LRP11: variants seen among roughly 807,000 people sequenced by gnomAD.
LRP11 encodes LDL receptor related protein 11, also known as low-density lipoprotein receptor-related protein 11.
In LRP11, 25 loss-of-function variants were observed where a neutral mutation model predicts 43.1. The ratio of observed to expected loss-of-function variants is 0.58; its 90% CI spans 0.42 to 0.81. LRP11 has a LOEUF of 0.81. Ranked by LOEUF, LRP11 falls within the 30% of genes least tolerant of loss-of-function variation. The pLI, the probability that LRP11 is intolerant of heterozygous loss-of-function variation, is 0.00. For missense variants in LRP11, 623 were observed against 665.1 expected, an observed-to-expected ratio of 0.94 and a Z score of 0.70; for synonymous variants, 316 against 299.4, an observed-to-expected ratio of 1.06 and a Z score of -0.57.
In LRP11 at chr6:149,820,626, C is replaced by G. The variant is rs1383738588; in HGVS notation, c.1426G>C (p.Val476Leu). Reference sequence around the variant, plus strand: ...CGAGCTTTTTTCAGTTTCTGTTTCACCAGTCGTAGTCGGCATGCAACCATG... The same window carrying G: ...CGAGCTTTTTTCAGTTTCTGTTTCAGCAGTCGTAGTCGGCATGCAACCATG... The part of the protein sequence containing the change: ...LLMVACRLRL[V>L]KQKLKKARPI... Residue 476 changes from valine to leucine, a missense_variant, in exon 7 of 7, where the codon GTG (valine) becomes CTG (leucine). Physicochemically the swap from Val to Leu is conservative, Grantham distance 32. Transcript: ENST00000239367. 1 of 780,916 alleles carries G rather than the reference C, an allele frequency of 1.3e-6. No homozygotes were observed. The highest frequency in any genetic ancestry group is 2.4e-5 in the East Asian group (1 of 41,266). The allele number at this position is 780,916 out of a possible 1,614,324, so 48.4% of individuals were successfully genotyped here. A position where few individuals can be genotyped will look rare whatever the true frequency, so the allele number is the denominator to read the frequency against.
chr6:149,829,812 T>A (rs1410953251), intron 5 of LRP11, among the ~76,000 whole-genome samples: 2 of 151,952 alleles, frequency 1.3e-5, no homozygotes, highest in Non-Finnish European at 2.9e-5. Context: ...TACTGCACTA[T>A]TTCTATTTTT....
At chr6:149,822,956 T>G (rs560349058) in intron 6 of LRP11, among the ~76,000 whole-genome samples, 2 of 151,898 alleles carry the variant, frequency 1.3e-5, no homozygotes, top group East Asian at 1.9e-4. Context: ...AGCATAAAGG[T>G]GGTAGCTGCA....
rs374240327 is a variant in LRP11 at position 149,819,069 on chromosome 6, A to ATCTT, written c.*1476_*1479dup. The ATCTT allele has an allele frequency of 9.4e-4, 144 of 152,482 alleles. 1 individual carries two copies. The highest frequency in any genetic ancestry group is 3.3e-3 in the African/African-American group (138 of 41,586). 9.4% of individuals were successfully genotyped at this position (152,482 alleles called of 1,614,324 possible). A position where few individuals can be genotyped will look rare whatever the true frequency, so the allele number is the denominator to read the frequency against. On this transcript the variant is annotated 3_prime_UTR_variant, in exon 7 of 7. Coordinates refer to ENST00000239367, the MANE Select transcript of LRP11 (RefSeq NM_032832.6). Reference sequence around the variant, plus strand: ...TCTAAACTGCCCTTCAAAAATTTACATCTTTGCTCAATTCTAAACATTCAA... The same window carrying ATCTT: ...TCTAAACTGCCCTTCAAAAATTTACATCTTTCTTTGCTCAATTCTAAACATTCAA...
chr6:149,840,570 T>C (rs1447781581), intron 3 of LRP11, among the ~76,000 whole-genome samples: 1 of 152,206 alleles, frequency 6.6e-6, no homozygotes, highest in African/African-American at 2.4e-5. Flanking sequence ...GTGCTGGCCA[T>C]CTGCTCATAT....
At chr6:149,840,632 C>T (rs1776532519) in intron 3 of LRP11, among the ~76,000 whole-genome samples, 1 of 152,198 alleles carries the variant, frequency 6.6e-6, no homozygotes, top group African/African-American at 2.4e-5. Context: ...AAGAGCAATC[C>T]TTTTCTGATT....
At chr6:149,840,819 C>T (rs1288013045) in intron 3 of LRP11, among the ~76,000 whole-genome samples, 2 of 152,228 alleles carry the variant, frequency 1.3e-5, no homozygotes, top group African/African-American at 4.8e-5. Flanking sequence ...CATGTCTCCA[C>T]TGGTCCTGGT....
chr6:149,820,710 G>C lies in LRP11; in HGVS notation c.1349-7C>G, dbSNP rs1332028581. ...GCCAGGGGTAGCACTGCACCTTTGA[G>C]AAGGTTAGACATGAAGAGGGCAAGC... On this transcript the variant is annotated splice_polypyrimidine_tract_variant and splice_region_variant and intron_variant, in intron 6 of 6. Coordinates refer to ENST00000239367, the MANE Select transcript of LRP11 (RefSeq NM_032832.6). 1 of 780,844 alleles carries C rather than the reference G, an allele frequency of 1.3e-6. No individual in the cohort carries two copies. The highest frequency in any genetic ancestry group is 2.4e-6 in the Non-Finnish European group (1 of 418,036). The allele number at this position is 780,844 out of a possible 1,614,324, so 48.4% of individuals were successfully genotyped here. A position where few individuals can be genotyped will look rare whatever the true frequency, so the allele number is the denominator to read the frequency against.
At chr6:149,862,730 C>A (rs917658469) in intron 1 of LRP11, among the ~76,000 whole-genome samples, 2 of 152,030 alleles carry the variant, frequency 1.3e-5, no homozygotes, top group African/African-American at 4.8e-5. Context: ...CAGGCGCATG[C>A]CACCAGCTCT....
intron 5 of LRP11, among the ~76,000 whole-genome samples, chr6:149,834,121 T>C (rs1179495891): frequency 6.6e-6 from 1 of 152,172 alleles, no homozygotes; most frequent in African/African-American, 2.4e-5. Context: ...CGTGAGGACA[T>C]GCAGTATTTG....
intron 2 of LRP11, among the ~76,000 whole-genome samples, chr6:149,851,012 A>G (rs189769789): frequency 1.3e-5 from 2 of 152,380 alleles, no homozygotes; most frequent in Admixed American, 6.5e-5. Context: ...AAGTCTCAGC[A>G]GGATGAGTGT....
At chr6:149,851,431 A>G (rs1434122198) in intron 2 of LRP11, among the ~76,000 whole-genome samples, 2 of 152,242 alleles carry the variant, frequency 1.3e-5, no homozygotes, top group African/African-American at 4.8e-5. Context: ...AAATCAATTC[A>G]TATGAGGAAC....
chr6:149,822,761 T>C (rs1157652502), intron 6 of LRP11, among the ~76,000 whole-genome samples: 1 of 152,176 alleles, frequency 6.6e-6, no homozygotes, highest in Non-Finnish European at 1.5e-5. Context: ...ATAAAATAGG[T>C]GGTCCATCTA....
Position 149,836,258 on chromosome 6 carries a change from C to T in LRP11, c.1079G>A (p.Ser360Asn). The change falls in exon 5 of 7, where the codon AGT becomes AAT. Residue 360 changes from serine (S) to asparagine (N), a missense_variant. Coordinates refer to ENST00000239367, the MANE Select transcript of LRP11 (RefSeq NM_032832.6). Reference protein sequence around the residue: ...DRKMVTHTAASPALPRTTGPS... With the variant: ...DRKMVTHTAANPALPRTTGPS... ...CCCTGTGGTTCTTGGCAGGGCAGGA[C>T]TAGCTGCCGTGTGGGTTACCATCTT... 1 of 1,614,204 alleles carries T rather than the reference C, an allele frequency of 6.2e-7. No homozygotes were observed. Among genetic ancestry groups the T allele is most frequent in the East Asian group, 2.2e-5 (1 of 44,882 alleles).
chr6:149,834,790 T>C (rs1227757575), intron 5 of LRP11, among the ~76,000 whole-genome samples: 2 of 152,192 alleles, frequency 1.3e-5, no homozygotes, highest in Non-Finnish European at 2.9e-5. Flanking sequence ...GAAAAGCCCC[T>C]GATAGAATGC....
At chr6:149,835,327 G>A (rs1444999706) in intron 5 of LRP11, among the ~76,000 whole-genome samples, 1 of 152,226 alleles carries the variant, frequency 6.6e-6, no homozygotes, top group Non-Finnish European at 1.5e-5. Flanking sequence ...CAGGTGCAGT[G>A]ACTCACACCT....
chr6:149,844,793 A>C (rs1776607528), intron 2 of LRP11, among the ~76,000 whole-genome samples: 1 of 152,202 alleles, frequency 6.6e-6, no homozygotes, highest in Non-Finnish European at 1.5e-5. Flanking sequence ...GGACTGACTT[A>C]GGCTTAGAGG....
chr6:149,863,764 T>C lies in LRP11; in HGVS notation c.257A>G (p.Gln86Arg), dbSNP rs1033216552. The C allele has an allele frequency of 1.4e-5, 20 of 1,476,056 alleles. No homozygotes were observed. Among genetic ancestry groups the C allele is most frequent in the Non-Finnish European group, 1.8e-5 (20 of 1,119,930 alleles). The allele number at this position is 1,476,056 out of a possible 1,614,324, so 91.4% of individuals were successfully genotyped here. A position where few individuals can be genotyped will look rare whatever the true frequency, so the allele number is the denominator to read the frequency against. Residue 86 changes from glutamine to arginine, a missense_variant, in exon 1 of 7, where the codon CAG becomes CGG. Coordinates refer to ENST00000239367, the MANE Select transcript of LRP11 (RefSeq NM_032832.6). ...GCTGCCCGGGCCCGGGCAGTCCTCC[T>C]GGGGGCCGCCGCCCGCGCGCAGCTC... The part of the protein sequence containing the change: ...ELELRAGGGP[Q>R]EDCPGPGSGG...
intron 6 of LRP11, among the ~76,000 whole-genome samples, chr6:149,821,714 G>A (rs1030375246): frequency 1.3e-5 from 2 of 152,204 alleles, no homozygotes; most frequent in African/African-American, 4.8e-5. Context: ...CTGTGGCCAG[G>A]CCAGGTCTGG....
chr6:149,862,559 G>A (rs1232133280), intron 1 of LRP11, among the ~76,000 whole-genome samples: 1 of 141,874 alleles, frequency 7.0e-6, no homozygotes, highest in Non-Finnish European at 1.5e-5. Flanking sequence ...ACGCTTTAAA[G>A]TTTCCTATTT....
Sources: allele counts gnomAD v4.1 joint callset (sites outside exome capture counted in the v4.1 genomes callset), GRCh38; gene constraint gnomAD v4.1.1; transcripts MANE v1.5; gene names NCBI Gene and HGNC (gene_info 2026-07-23, HGNC 2026-07-21).